FTO: variants seen among roughly 807,000 people sequenced by gnomAD.
The protein encoded by FTO is FTO alpha-ketoglutarate dependent dioxygenase.
FTO carries 47 observed loss-of-function variants against 63.9 expected under a neutral mutation model. The ratio of observed to expected loss-of-function variants is 0.74; its 90% CI spans 0.58 to 0.94. The LOEUF is 0.94. Ranked by LOEUF, FTO falls within the 40% of genes least tolerant of loss-of-function variation. The pLI is 0.00. For synonymous variants in FTO, 207 were observed against 224.4 expected, an observed-to-expected ratio of 0.92 and a Z score of 0.69; for missense variants, 562 against 618.1, an observed-to-expected ratio of 0.91 and a Z score of 0.96.
chr16:54,074,917 A>AGTGTGTGT (rs3040381), intron 8 of FTO, among the ~76,000 whole-genome samples: 3 of 134,266 alleles, frequency 2.2e-5, no homozygotes, highest in South Asian at 2.6e-4. Flanking sequence ...AGAGAGAGAG[A>AGTGTGTGT]GTGTGTGTGT....
intron 8 of FTO, among the ~76,000 whole-genome samples, chr16:54,062,490 A>G (rs953485966): frequency 6.6e-5 from 10 of 152,198 alleles, no homozygotes; most frequent in African/African-American, 2.4e-4. Flanking sequence ...GCAGGTGACA[A>G]GAGCTTGGTG....
chr16:54,103,421 C>A (rs571344451), intron 8 of FTO, among the ~76,000 whole-genome samples: 16 of 152,168 alleles, frequency 1.1e-4, no homozygotes, highest in African/African-American at 3.6e-4. Flanking sequence ...TGTATTGACC[C>A]GGGGGAAAAA....
chr16:53,818,317 A>G (rs2078757790), intron 2 of FTO, among the ~76,000 whole-genome samples: 1 of 152,144 alleles, frequency 6.6e-6, no homozygotes, highest in Non-Finnish European at 1.5e-5. Flanking sequence ...GATAGTGACA[A>G]AATTAGCCAG....
intron 8 of FTO, among the ~76,000 whole-genome samples, chr16:53,970,680 A>C (rs2083297924): frequency 6.6e-6 from 1 of 152,094 alleles, no homozygotes; most frequent in Admixed American, 6.6e-5. Context: ...TGCTGTCTAC[A>C]AGGGACAGTT....
chr16:53,988,990 A>G (rs1304042287), intron 8 of FTO, among the ~76,000 whole-genome samples: 1 of 152,172 alleles, frequency 6.6e-6, no homozygotes, highest in Admixed American at 6.5e-5. Context: ...ATAAAAATGA[A>G]AAGAAATGAG....
chr16:54,012,069 C>T (rs1946153), intron 8 of FTO, among the ~76,000 whole-genome samples: 78,291 of 152,112 alleles, frequency 0.51, 22,354 homozygotes, highest in African/African-American at 0.76. Flanking sequence ...GAAGGCATAT[C>T]AAAAGCAAAG....
intron 7 of FTO, among the ~76,000 whole-genome samples, chr16:53,892,847 G>C (rs1208900888): frequency 2.0e-5 from 3 of 152,218 alleles, no homozygotes; most frequent in South Asian, 2.1e-4. Context: ...GTCTCAGGAA[G>C]GATATAGAAG....
chr16:53,968,226 C>T (rs1242270738), intron 8 of FTO, among the ~76,000 whole-genome samples: 1 of 152,120 alleles, frequency 6.6e-6, no homozygotes, highest in Non-Finnish European at 1.5e-5. Flanking sequence ...CAAGGAAGCT[C>T]ACTGTGACAT....
chr16:53,800,265 A>G (rs779857267), intron 1 of FTO, among the ~76,000 whole-genome samples: 9 of 152,090 alleles, frequency 5.9e-5, no homozygotes, highest in Admixed American at 3.3e-4. Flanking sequence ...CTCATGTATT[A>G]TTTAGGAATC....
At chr16:53,871,879 AC>A (rs1375577451) in intron 4 of FTO, among the ~76,000 whole-genome samples, 8 of 152,084 alleles carry the variant, frequency 5.3e-5, no homozygotes, top group African/African-American at 1.9e-4. Context: ...AGCACCTGCC[AC>A]CATGCCCAGC....
intron 1 of FTO, among the ~76,000 whole-genome samples, chr16:53,783,414 T>G (rs1303837850): frequency 6.6e-6 from 1 of 151,814 alleles, no homozygotes; most frequent in Non-Finnish European, 1.5e-5. Context: ...GAGGCCATCC[T>G]GGCTAACACG....
chr16:53,843,176 C>G (rs2079523205), intron 3 of FTO, among the ~76,000 whole-genome samples: 1 of 152,156 alleles, frequency 6.6e-6, no homozygotes, highest in Non-Finnish European at 1.5e-5. Flanking sequence ...ACAAGCAATA[C>G]TACAATAAAT....
At chr16:53,843,382 TG>T (rs1367058991) in intron 3 of FTO, among the ~76,000 whole-genome samples, 1 of 152,246 alleles carries the variant, frequency 6.6e-6, no homozygotes, top group Admixed American at 6.5e-5. Flanking sequence ...TTCAAACTGA[TG>T]TTTTCTGTTT....
At chr16:53,820,476 T>G (rs1467516680) in intron 2 of FTO, among the ~76,000 whole-genome samples, 1 of 150,052 alleles carries the variant, frequency 6.7e-6, no homozygotes, top group East Asian at 2.2e-4. Context: ...TCAGGAAAGG[T>G]TTCCTTTTTT....
intron 1 of FTO, among the ~76,000 whole-genome samples, chr16:53,737,277 A>T (rs1196720479): frequency 6.6e-6 from 1 of 152,254 alleles, no homozygotes; most frequent in African/African-American, 2.4e-5. Flanking sequence ...ACATACACAC[A>T]TATACAATCA....
At chr16:53,766,659 G>A (rs2077210954) in intron 1 of FTO, among the ~76,000 whole-genome samples, 1 of 152,192 alleles carries the variant, frequency 6.6e-6, no homozygotes, top group Non-Finnish European at 1.5e-5. Flanking sequence ...CAAAGAGGCT[G>A]TTGTGGAGAG....
At chr16:53,791,500 T>C (rs2077909452) in intron 1 of FTO, among the ~76,000 whole-genome samples, 1 of 152,232 alleles carries the variant, frequency 6.6e-6, no homozygotes, top group African/African-American at 2.4e-5. Context: ...TCCTTCGTTA[T>C]TATGTCTCAG....
At chr16:53,833,669 C>T (rs996356196) in intron 3 of FTO, among the ~76,000 whole-genome samples, 2 of 151,470 alleles carry the variant, frequency 1.3e-5, no homozygotes, top group African/African-American at 2.4e-5. Context: ...TTTTCTACAG[C>T]GACTGAACTG....
intron 7 of FTO, among the ~76,000 whole-genome samples, chr16:53,894,979 C>T (rs547708422): frequency 1.6e-4 from 24 of 152,058 alleles, no homozygotes; most frequent in African/African-American, 4.8e-4. Context: ...TCTGGAAAAA[C>T]GAAAAAGTCA....
Sources: allele counts gnomAD v4.1 joint callset (sites outside exome capture counted in the v4.1 genomes callset), GRCh38; gene constraint gnomAD v4.1.1; transcripts MANE v1.5; gene names NCBI Gene and HGNC (gene_info 2026-07-23, HGNC 2026-07-21).